PPARGC1A: variants seen among roughly 807,000 people sequenced by gnomAD.
PPARGC1A encodes the protein PPARG coactivator 1 alpha.
In PPARGC1A, 25 loss-of-function variants were observed where a neutral mutation model predicts 88.7. The observed-to-expected ratio is 0.28, with a 90% CI of 0.21 to 0.39. The LOEUF is 0.39. Among genes scored for constraint, PPARGC1A ranks in the 10% least tolerant of loss-of-function variants. The probability of loss-of-function intolerance (pLI) is 1.00; values close to 1 mark genes in which losing one functional copy is unlikely to be tolerated. For missense variants in PPARGC1A, 880 were observed against 968.7 expected (o/e 0.91, Z 1.22); for synonymous variants, 363 against 355.6 (o/e 1.02, Z -0.24).
intron 2 of PPARGC1A, among the ~76,000 whole-genome samples, chr4:23,868,995 GT>G (rs1362141487): frequency 6.6e-6 from 1 of 152,150 alleles, no homozygotes; most frequent in Admixed American, 6.5e-5. Flanking sequence ...CCACTGCTTG[GT>G]TTCATGGAGG....
At chr4:24,175,538 C>CTTTTTTTTTTTT in the PPARGC1A span, among the ~76,000 whole-genome samples, 96 of 84,876 alleles carry the variant, frequency 1.1e-3, no homozygotes, top group African/African-American at 1.7e-3. Context: ...CCACACCAAG[C>CTTTTTTTTTTTT]TTTTTTTTTT....
the PPARGC1A span, among the ~76,000 whole-genome samples, chr4:24,317,171 A>ACCCTTAAC: frequency 6.6e-6 from 1 of 152,098 alleles, no homozygotes; most frequent in African/African-American, 2.4e-5. Context: ...TGGGCATACT[A>ACCCTTAAC]CCCTTAACCA....
the PPARGC1A span, among the ~76,000 whole-genome samples, chr4:24,307,227 T>TC: frequency 6.6e-6 from 1 of 152,186 alleles, no homozygotes; most frequent in African/African-American, 2.4e-5. Flanking sequence ...GGATCAGGGT[T>TC]CCACAGGTTG....
chr4:24,411,521 T>C, the PPARGC1A span, among the ~76,000 whole-genome samples: 1 of 152,180 alleles, frequency 6.6e-6, no homozygotes, highest in South Asian at 2.1e-4. Flanking sequence ...CATTGACACA[T>C]CATCACCCAA....
the PPARGC1A span, among the ~76,000 whole-genome samples, chr4:24,450,718 T>G: frequency 4.4e-3 from 674 of 152,330 alleles, 20 homozygotes; most frequent in Non-Finnish European, 1.4e-3. Context: ...TCATAAACAC[T>G]GCATATTCAG....
At chr4:23,988,809 C>T in the PPARGC1A span, among the ~76,000 whole-genome samples, 1 of 148,530 alleles carries the variant, frequency 6.7e-6, no homozygotes, top group African/African-American at 2.5e-5. Context: ...AAATAGTATA[C>T]TATTATACAT....
At chr4:23,873,913 G>T (rs537949951) in intron 2 of PPARGC1A, among the ~76,000 whole-genome samples, 137 of 152,310 alleles carry the variant, frequency 9.0e-4, no homozygotes, top group African/African-American at 3.2e-3. Context: ...AAACACACCA[G>T]ATTAGCCAAT....
chr4:23,984,557 T>TA, the PPARGC1A span, among the ~76,000 whole-genome samples: 4 of 152,164 alleles, frequency 2.6e-5, no homozygotes, highest in South Asian at 2.1e-4. Flanking sequence ...AAGGATGCTT[T>TA]AAAAAAAGTC....
chr4:24,025,789 G>A, the PPARGC1A span, among the ~76,000 whole-genome samples: 3 of 152,104 alleles, frequency 2.0e-5, no homozygotes, highest in Non-Finnish European at 2.9e-5. Context: ...GCTCTCGACT[G>A]ACCTAAATAT....
chr4:24,174,780 C>T, the PPARGC1A span, among the ~76,000 whole-genome samples: 7 of 152,138 alleles, frequency 4.6e-5, no homozygotes, highest in African/African-American at 9.7e-5. Context: ...ACTCCACAGC[C>T]GATGATCCAG....
At chr4:23,975,866 CA>C in the PPARGC1A span, among the ~76,000 whole-genome samples, 92 of 152,314 alleles carry the variant, frequency 6.0e-4, no homozygotes, top group African/African-American at 2.2e-3. Flanking sequence ...TTCTAATTTA[CA>C]ATATTCAAAT....
chr4:23,867,793 G>A (rs1224195605), intron 2 of PPARGC1A, among the ~76,000 whole-genome samples: 1 of 152,150 alleles, frequency 6.6e-6, no homozygotes, highest in East Asian at 1.9e-4. Context: ...AGGCAACTGC[G>A]ATACAAGTAT....
the PPARGC1A span, among the ~76,000 whole-genome samples, chr4:24,395,209 C>T: frequency 6.6e-6 from 1 of 152,180 alleles, no homozygotes; most frequent in Non-Finnish European, 1.5e-5. Context: ...AAAGTAAGGA[C>T]CCTGAGCATT....
chr4:24,028,820 T>C, the PPARGC1A span, among the ~76,000 whole-genome samples: 946 of 152,298 alleles, frequency 6.2e-3, 10 homozygotes, highest in African/African-American at 0.022. Flanking sequence ...AAGTATGAAA[T>C]TGACATCTGA....
the PPARGC1A span, among the ~76,000 whole-genome samples, chr4:24,103,556 A>G: frequency 1.4e-5 from 2 of 147,758 alleles, no homozygotes; most frequent in Admixed American, 6.8e-5. Context: ...AGTACTCACA[A>G]AGTTGTTTTG....
chr4:23,876,123 G>C lies in PPARGC1A; in HGVS notation c.234+8629C>G, dbSNP rs373537621. 5.2e-5 allele frequency: 8 copies of C among 152,620 alleles called. No individual in the cohort carries two copies. The South Asian group carries it at 1.5e-3, about 28-fold the overall frequency. 9.5% of individuals were successfully genotyped at this position (152,620 alleles called of 1,614,324 possible). Reference sequence around the variant, plus strand: ...GATAGCATAGTTAGTTAATTTGTGTGTTGAGCCATGGATGTTAATTTGTAA... The same window carrying C: ...GATAGCATAGTTAGTTAATTTGTGTCTTGAGCCATGGATGTTAATTTGTAA... On this transcript the variant is annotated intron_variant, in intron 2 of 12. Coordinates refer to ENST00000264867, the MANE Select transcript of PPARGC1A (RefSeq NM_013261.5).
At chr4:24,258,227 C>T in the PPARGC1A span, 7 of 980,930 alleles carry the variant, frequency 7.1e-6, no homozygotes, top group Non-Finnish European at 6.1e-6. Flanking sequence ...CCATGGGGCT[C>T]CAATTTTACC....
chr4:24,072,972 T>C, the PPARGC1A span, among the ~76,000 whole-genome samples: 1 of 152,168 alleles, frequency 6.6e-6, no homozygotes. Flanking sequence ...AAAGAGAAAC[T>C]TGATTCTTAA....
At chr4:24,094,801 A>T in the PPARGC1A span, among the ~76,000 whole-genome samples, 3 of 150,766 alleles carry the variant, frequency 2.0e-5, no homozygotes, top group Non-Finnish European at 4.4e-5. Flanking sequence ...TCAAGCACTA[A>T]AAAAAAAAGA....
Sources: gnomAD v4.1 joint callset for allele counts (sites outside exome capture counted in the v4.1 genomes callset) on GRCh38, gnomAD v4.1.1 for gene constraint, MANE v1.5 for transcripts, NCBI Gene and HGNC (gene_info 2026-07-23, HGNC 2026-07-21) for gene names.